Variants in TNFRSF18 observed in about 807,000 individuals in gnomAD.
TNFRSF18 encodes TNF receptor superfamily member 18, also known as tumor necrosis factor receptor superfamily member 18.
Under a neutral mutation model 30.2 loss-of-function variants are expected in TNFRSF18, and 36 were observed. That is an observed-to-expected ratio of 1.19 (90% CI 0.91 to 1.58). The LOEUF (loss-of-function observed/expected upper bound fraction) is 1.58, where lower values mean the gene tolerates loss of function less well. TNFRSF18 is among the 40% of genes most tolerant of loss of function. The pLI is 0.00. For synonymous variants in TNFRSF18, 173 were observed against 158.3 expected (o/e 1.09, Z -0.70); for missense variants, 369 against 345.4 (o/e 1.07, Z -0.54).
At chr1:1,205,520 G>A (rs762457709) in intron 1 of TNFRSF18, 28 bp from the exon 2 acceptor site, 1 of 1,603,628 alleles carries the variant, frequency 6.2e-7, no homozygotes, top group South Asian at 1.1e-5. Context: ...CAGCCCCCCA[G>A]CAGCTGGGCT....
chr1:1,206,491 G>T lies in TNFRSF18; in HGVS notation c.81C>A (p.Arg27=). The T allele has an allele frequency of 6.5e-7, 1 of 1,546,140 alleles. No individual in the cohort carries two copies. Among genetic ancestry groups the T allele is most frequent in the Non-Finnish European group, 8.7e-7 (1 of 1,145,662 alleles). The change falls in exon 1 of 5, where the codon CGC becomes CGA. Residue 27 remains arginine, a synonymous_variant. Transcript: ENST00000379268. ...ALLCALSLGQ[R]PTGGPGCGPG... ...GGCCGCACCCGGGACCCCCGGTGGG[G>T]CGCTGACCCAGGCTGAGCGCGCACA...
rs1557501248 is a variant in TNFRSF18, at chr1:1,206,510, G to GC, written c.61dup (p.Ala21GlyfsTer58). 1.3e-6 allele frequency: 2 copies of GC among 1,541,772 alleles called. No individual in the cohort carries two copies. The highest frequency in any genetic ancestry group is 4.0e-5 in the Admixed American group (2 of 50,116). ...GGTGGGGCGCTGACCCAGGCTGAGC[G>GC]CGCACAGCAGCGCCAGGCCGCACAG... is the stretch of plus-strand genomic sequence containing the variant. On this transcript the variant is annotated frameshift_variant, in exon 1 of 5. Transcript: ENST00000379268. LOFTEE classifies it high-confidence loss of function.
At chr1:1,204,944 C>T (rs1025785834) in intron 2 of TNFRSF18, among the ~76,000 whole-genome samples, 3 of 152,186 alleles carry the variant, frequency 2.0e-5, no homozygotes, top group Admixed American at 6.5e-5. Context: ...CTGACCTCTC[C>T]TGTCAGGTAA....
chr1:1,204,684 G>C (rs1043383255), intron 2 of TNFRSF18, among the ~76,000 whole-genome samples, 198 bp from the exon 3 acceptor site: 2 of 152,190 alleles, frequency 1.3e-5, no homozygotes, highest in Non-Finnish European at 2.9e-5. Context: ...GGGGCGTCTG[G>C]GGTGGGGCCC....
At chr1:1,205,771 AGG>A in intron 1 of TNFRSF18, 1 of 461,158 alleles carries the variant, frequency 2.2e-6, no homozygotes, top group Non-Finnish European at 4.0e-6. Context: ...TGCAGGACCC[AGG>A]GGTGGCCCCC....
rs770262694 is a variant in TNFRSF18, at chr1:1,203,728, A to G, written c.*116T>C. On this transcript the variant is annotated 3_prime_UTR_variant, in exon 5 of 5. Coordinates refer to ENST00000379268, the MANE Select transcript of TNFRSF18 (RefSeq NM_004195.3). ...TGGTCACTGCCACCTTCCTGCACCCACTTCTGCTGCCAGGGGAGCAGGGCC... is the reference window on the plus strand; with the variant it reads ...TGGTCACTGCCACCTTCCTGCACCCGCTTCTGCTGCCAGGGGAGCAGGGCC... 1 of 1,560,594 alleles carries G rather than the reference A, an allele frequency of 6.4e-7. No individual in the cohort carries two copies. The highest frequency in any genetic ancestry group is 8.6e-7 in the Non-Finnish European group (1 of 1,158,788).
chr1:1,205,369 C>G lies in TNFRSF18; in HGVS notation c.310+1G>C. The G allele has an allele frequency of 6.2e-7, 1 of 1,611,366 alleles. No homozygotes were observed. Among genetic ancestry groups the G allele is most frequent in the Non-Finnish European group, 8.5e-7 (1 of 1,179,388 alleles). ...CTCCCAGAGGCACCTCCAGGACTTA[C>G]CCTGGGACTGTACCCCCTGGCCTGG... On this transcript the variant is annotated splice_donor_variant, in intron 2 of 4. Transcript: ENST00000379268. LOFTEE classifies it high-confidence loss of function.
chr1:1,204,015 G>A lies in TNFRSF18; in HGVS notation c.601+19C>T, dbSNP rs61761324. The A allele has an allele frequency of 3.3e-4, 536 of 1,607,316 alleles. 2 individuals are homozygous for A. The East Asian group carries it at 9.6e-3, about 29-fold the overall frequency. ...CAGGCAGCCATGCTCCCACCTCCCC[G>A]CACCAGGCTGTGACAGACCTCGGGG... On this transcript the variant is annotated intron_variant, in intron 4 of 4. Coordinates refer to ENST00000379268, the MANE Select transcript of TNFRSF18 (RefSeq NM_004195.3).
chr1:1,206,474 C>G lies in TNFRSF18; in HGVS notation c.98G>C (p.Gly33Ala). ...SLGQRPTGGPGCGPGRLLLGT... is the reference protein window; with the variant it reads ...SLGQRPTGGPACGPGRLLLGT... ...AAGCAGGAGGCGCCCAGGGCCGCAC[C>G]CGGGACCCCCGGTGGGGCGCTGACC... Residue 33 changes from glycine to alanine, a missense_variant, in exon 1 of 5, where the codon GGG (glycine) becomes GCG (alanine). By Grantham distance (60) the Gly-to-Ala change is moderately conservative. Transcript: ENST00000379268. The G allele has an allele frequency of 2.6e-6, 4 of 1,546,542 alleles. 1 individual carries two copies. In the South Asian group the frequency reaches 4.8e-5, roughly 18 times the overall value.
At position 1,205,436 on chromosome 1, in the gene TNFRSF18, C is replaced by T. The variant is rs1271110528; in HGVS notation, c.244G>A (p.Gly82Arg). 7 of 1,612,630 alleles carry T rather than the reference C, an allele frequency of 4.3e-6. No individual in the cohort carries two copies. The highest frequency in any genetic ancestry group is 5.9e-6 in the Non-Finnish European group (7 of 1,179,854). ...CGGCAGGTCGTGCAGCAAGGGTCTC[C>T]GCAGTGGAATTCAGGCTGGACACAC... ...CMCVQPEFHCGDPCCTTCRHH... is the reference protein window; with the variant it reads ...CMCVQPEFHCRDPCCTTCRHH... The change falls in exon 2 of 5, where the codon GGA (glycine) becomes AGA (arginine). Residue 82 changes from glycine (G) to arginine (R), a missense_variant. Physicochemically the swap from Gly to Arg is moderately radical, Grantham distance 125 (BLOSUM62 -2). Transcript: ENST00000379268.
At position 1,205,386 on chromosome 1, in the gene TNFRSF18, C is replaced by T; in HGVS notation, c.294G>A (p.Gln98=). Residue 98 remains glutamine (Q), a synonymous_variant, in exon 2 of 5, where the codon CAG becomes CAA. Transcript: ENST00000379268. ...TCRHHPCPPG[Q]GVQSQGKFSF... ...AGGACTTACCCTGGGACTGTACCCC[C>T]TGGCCTGGGGGACAAGGGTGGTGCC... The T allele has an allele frequency of 1.2e-6, 2 of 1,612,282 alleles. No individual in the cohort carries two copies. Among genetic ancestry groups the T allele is most frequent in the Non-Finnish European group, 1.7e-6 (2 of 1,179,726 alleles).
Position 1,206,485 on chromosome 1 carries a change from G to A in TNFRSF18, c.87C>T (p.Thr29=), listed in dbSNP as rs778608023. The A allele has an allele frequency of 1.4e-5, 22 of 1,546,172 alleles. No homozygotes were observed. The highest frequency in any genetic ancestry group is 8.3e-5 in the South Asian group (7 of 83,914). The change falls in exon 1 of 5, where the codon ACC becomes ACT. Residue 29 remains threonine, a synonymous_variant. Coordinates refer to ENST00000379268, the MANE Select transcript of TNFRSF18 (RefSeq NM_004195.3). ...GCCCAGGGCCGCACCCGGGACCCCC[G>A]GTGGGGCGCTGACCCAGGCTGAGCG... ...LCALSLGQRP[T]GGPGCGPGRL...
At chr1:1,204,876 C>T (rs541756762) in intron 2 of TNFRSF18, among the ~76,000 whole-genome samples, 8 of 152,262 alleles carry the variant, frequency 5.3e-5, no homozygotes, top group South Asian at 4.1e-4. Flanking sequence ...GACCCTGCCC[C>T]GTCCAACCTG....
At chr1:1,206,259 G>A in intron 1 of TNFRSF18, 126 bp downstream of exon 1, 2 of 1,115,804 alleles carry the variant, frequency 1.8e-6, no homozygotes, top group Non-Finnish European at 2.5e-6. Flanking sequence ...GCTGCTGGCG[G>A]CTCTGTGCCC....
In TNFRSF18 at chr1:1,203,919, G is replaced by GC. The variant is rs746650683; in HGVS notation, c.650dup (p.Ser217ArgfsTer?). The GC allele has an allele frequency of 1.2e-5, 19 of 1,608,014 alleles. No homozygotes were observed. The South Asian group carries it at 2.0e-4, about 17-fold the overall frequency. On this transcript the variant is annotated frameshift_variant, in exon 5 of 5. Transcript: ENST00000379268. LOFTEE classifies it high-confidence loss of function. ...CCCGCTCTTCCTCGGGGAACTGGCA[G>GC]CTTCTGGCGTCTTCGGTCGACGGCG... is the stretch of plus-strand genomic sequence containing the variant.
chr1:1,203,772 A>G lies in TNFRSF18; in HGVS notation c.*72T>C, dbSNP rs758155125. 6.4e-7 allele frequency: 1 copy of G among 1,564,618 alleles called. No individual in the cohort carries two copies. The highest frequency in any genetic ancestry group is 8.6e-7 in the Non-Finnish European group (1 of 1,161,222). On this transcript the variant is annotated 3_prime_UTR_variant, in exon 5 of 5. Transcript: ENST00000379268. The stretch of plus-strand genomic sequence containing the variant: ...CAGGGCCCGGCCCAGAGCAGAACGC[A>G]GAGCCCCTGCGGCCTGGGGAGCTCC...
At chr1:1,205,548 A>G in intron 1 of TNFRSF18, 56 bp from the exon 2 acceptor site, 1 of 1,582,090 alleles carries the variant, frequency 6.3e-7, no homozygotes, top group Non-Finnish European at 8.6e-7. Flanking sequence ...CCTCCTCCCC[A>G]GGCCTCCCCT....
In TNFRSF18 at chr1:1,206,575, C is replaced by G. The variant is rs993506981; in HGVS notation, c.-4G>C. On this transcript the variant is annotated 5_prime_UTR_variant, in exon 1 of 5. Coordinates refer to ENST00000379268, the MANE Select transcript of TNFRSF18 (RefSeq NM_004195.3). Reference sequence around the variant, plus strand: ...CCATCGCCCCGTGCTGTGCCATGCTCGGGTTTCAAGAGCCCACAGCCAGTT... The same window carrying G: ...CCATCGCCCCGTGCTGTGCCATGCTGGGGTTTCAAGAGCCCACAGCCAGTT... The G allele has an allele frequency of 2.4e-5, 36 of 1,489,918 alleles. No individual in the cohort carries two copies. The highest frequency in any genetic ancestry group is 3.1e-5 in the Non-Finnish European group (35 of 1,125,886). 92.3% of individuals were successfully genotyped at this position (1,489,918 alleles called of 1,614,324 possible).
Position 1,206,395 on chromosome 1 carries a change from G to A in TNFRSF18, c.177C>T (p.Arg59=), listed in dbSNP as rs1000378662. The part of the protein sequence containing the change: ...CCRVHTTRCC[R]DYPGEECCSE... ...ACGCGGTTTACTTACCCGGGTAATC[G>A]CGGCAGCAGCGCGTCGTGTGAACCC... Residue 59 remains arginine, a synonymous_variant, in exon 1 of 5, where the codon CGC becomes CGT. Transcript: ENST00000379268. The A allele has an allele frequency of 6.5e-6, 10 of 1,547,098 alleles. No homozygotes were observed. The highest frequency in any genetic ancestry group is 1.4e-5 in the African/African-American group (1 of 72,812).
Sources: gnomAD v4.1 joint callset for allele counts (sites outside exome capture counted in the v4.1 genomes callset) on GRCh38, gnomAD v4.1.1 for gene constraint, MANE v1.5 for transcripts, NCBI Gene and HGNC (gene_info 2026-07-23, HGNC 2026-07-21) for gene names.